NLRP2: variants seen among roughly 807,000 people sequenced by gnomAD.
NLRP2 encodes the protein NLR family pyrin domain containing 2, also known as NACHT, LRR and PYD domains-containing protein 2.
A neutral mutation model predicts 97.2 loss-of-function variants in NLRP2; 107 were observed. The observed-to-expected ratio is 1.10, with a 90% CI of 0.94 to 1.29. The LOEUF (loss-of-function observed/expected upper bound fraction) is 1.29, where lower values mean the gene tolerates loss of function less well. NLRP2 is among the 50% of genes most tolerant of loss of function. NLRP2 has a pLI of 0.00. For missense variants in NLRP2, 1,495 were observed against 1,330.3 expected, an observed-to-expected ratio of 1.12 and a Z score of -1.93; for synonymous variants, 663 against 551.5, an observed-to-expected ratio of 1.20 and a Z score of -2.83.
rs749931307 is a variant in NLRP2, at chr19:54,983,319, G to A, written c.1621G>A (p.Gly541Arg). The change falls in exon 6 of 13, where the codon GGA (glycine) becomes AGA (arginine). Residue 541 changes from glycine (G) to arginine (R), a missense_variant. Transcript: ENST00000448584. ...TGGGGACGTACAGAAGCTGCTTTCC[G>A]GAGTAGAAAGACTCAGGAACCCCGA... ...DIGDVQKLLS[G>R]VERLRNPDLI... 29 of 1,614,068 alleles carry A rather than the reference G, an allele frequency of 1.8e-5. No individual in the cohort carries two copies. Among genetic ancestry groups the A allele is most frequent in the South Asian group, 4.4e-5 (4 of 91,092 alleles).
At chr19:54,996,037 C>CAAAAAA (rs544759995) in intron 11 of NLRP2, among the ~76,000 whole-genome samples, 29 of 73,356 alleles carry the variant, frequency 4.0e-4, no homozygotes, top group African/African-American at 1.3e-3. Flanking sequence ...GATCCTGTCT[C>CAAAAAA]AAAAAAAAAA....
At position 54,995,290 on chromosome 19, in the gene NLRP2, A is replaced by C. The variant is rs2072747708; in HGVS notation, c.2879+851A>C. The stretch of plus-strand genomic sequence containing the variant: ...ACTGCAACCTCCACCTCCTGGGTTC[A>C]AGTGATTCTCCTGCCTTAGCCTCCC... On this transcript the variant is annotated intron_variant, in intron 11 of 12. Transcript: ENST00000448584. Among the ~76,000 whole-genome samples the C allele has an allele frequency of 2.1e-5, 3 of 145,232 alleles. No individual in the cohort carries two copies. In the South Asian group the frequency reaches 6.9e-4, roughly 34 times the overall value.
At chr19:54,969,064 C>G (rs188916444) in intron 1 of NLRP2, among the ~76,000 whole-genome samples, 4 of 152,142 alleles carry the variant, frequency 2.6e-5, no homozygotes, top group Non-Finnish European at 5.9e-5. Context: ...GGGTGATCCA[C>G]GTAGCTCCCC....
At chr19:54,995,619 C>G (rs1051597435) in intron 11 of NLRP2, among the ~76,000 whole-genome samples, 2 of 151,906 alleles carry the variant, frequency 1.3e-5, no homozygotes, top group Non-Finnish European at 2.9e-5. Context: ...AATTAGATAT[C>G]GTGCCAGAAA....
chr19:54,991,756 C>CT (rs762495054), intron 10 of NLRP2, among the ~76,000 whole-genome samples: 5 of 149,522 alleles, frequency 3.3e-5, no homozygotes, highest in Non-Finnish European at 7.4e-5. Context: ...GTAATCCCAG[C>CT]TACTTGGGAG....
chr19:54,998,025 C>CTTTT (rs757893808), intron 12 of NLRP2, among the ~76,000 whole-genome samples: 1,654 of 127,222 alleles, frequency 0.013, 48 homozygotes, highest in African/African-American at 0.033. Flanking sequence ...TTTTTTCTTT[C>CTTTT]TTTTTTTTTT....
chr19:54,968,324 G>A (rs915330160), intron 1 of NLRP2, among the ~76,000 whole-genome samples: 6 of 151,910 alleles, frequency 3.9e-5, no homozygotes, highest in East Asian at 1.9e-4. Flanking sequence ...GGGATTGCAA[G>A]CGTCAGCCAC....
intron 8 of NLRP2, among the ~76,000 whole-genome samples, chr19:54,987,454 T>C (rs888760836): frequency 1.3e-5 from 2 of 152,126 alleles, no homozygotes; most frequent in Admixed American, 6.6e-5. Flanking sequence ...TAGGTGGTCA[T>C]TGGCCTCAAA....
chr19:54,984,329 G>GTGTTTTTTTTTTTTTT, intron 6 of NLRP2, among the ~76,000 whole-genome samples: 21 of 79,670 alleles, frequency 2.6e-4, no homozygotes, highest in African/African-American at 9.7e-4. Context: ...TTTTTTTTGT[G>GTGTTTTTTTTTTTTTT]TTTTTTTTTT....
At chr19:54,967,883 A>G (rs2070568689) in intron 1 of NLRP2, among the ~76,000 whole-genome samples, 1 of 149,744 alleles carries the variant, frequency 6.7e-6, no homozygotes. Context: ...AAGAGGTGTT[A>G]TACCCTTTCT....
At chr19:54,987,913 C>T (rs1465828086) in intron 8 of NLRP2, among the ~76,000 whole-genome samples, 7 of 151,822 alleles carry the variant, frequency 4.6e-5, no homozygotes, top group East Asian at 1.9e-4. Context: ...CATGGTGGCG[C>T]GTGCCTGTAA....
intron 12 of NLRP2, among the ~76,000 whole-genome samples, chr19:55,000,270 C>CTTTTTTTTTTTTTTTTTTTTTT (rs1157138794): frequency 5.6e-5 from 2 of 36,000 alleles, no homozygotes; most frequent in African/African-American, 2.2e-4. Context: ...GAGAGACTGT[C>CTTTTTTTTTTTTTTTTTTTTTT]TTTTTTTTTT....
At chr19:54,975,829 C>T (rs1030994908) in intron 3 of NLRP2, among the ~76,000 whole-genome samples, 23 of 152,090 alleles carry the variant, frequency 1.5e-4, no homozygotes, top group Non-Finnish European at 3.1e-4. Flanking sequence ...TAGCTCATTG[C>T]AGCCTCAACC....
rs1329961462 is a variant in NLRP2 at position 54,984,329 on chromosome 19, G to GGTTTTTTTTTTTTT, written c.2030+601_2030+602insGTTTTTTTTTTTTT. ...AACTTAAGTGGGGGTTTTTTTTTGT[G>GGTTTTTTTTTTTTT]TTTTTTTTTTTTTTTTTTTTTTTGG... On this transcript the variant is annotated intron_variant, in intron 6 of 12. Transcript: ENST00000448584. Among the ~76,000 whole-genome samples the GGTTTTTTTTTTTTT allele has an allele frequency of 1.1e-4, 9 of 79,668 alleles. 1 individual carries two copies. The highest frequency in any genetic ancestry group is 1.5e-4 in the Non-Finnish European group (6 of 39,966). 52.3% of individuals were successfully genotyped at this position (79,668 alleles called of 152,430 possible). A position where few individuals can be genotyped will look rare whatever the true frequency, so the allele number is the denominator to read the frequency against.
In NLRP2 at chr19:54,983,189, CT is replaced by C. The variant is rs1387175894; in HGVS notation, c.1492del (p.Cys498AlafsTer45). The C allele has an allele frequency of 1.2e-6, 2 of 1,613,982 alleles. No homozygotes were observed. Among genetic ancestry groups the C allele is most frequent in the Non-Finnish European group, 1.7e-6 (2 of 1,180,012 alleles). On this transcript the variant is annotated frameshift_variant, in exon 6 of 13. Transcript: ENST00000448584. LOFTEE classifies it high-confidence loss of function. ...TCCGCCAGGACAGAGTCTCCAAAGGCTGCTACTCCTTCATCCACCTCAGCTT... is the reference window on the plus strand; with the variant it reads ...TCCGCCAGGACAGAGTCTCCAAAGGCGCTACTCCTTCATCCACCTCAGCTT... Reference protein sequence around the residue: ...ILRQDRVSKGCYSFIHLSFQQ... With the variant: ...ILRQDRVSKGXYSFIHLSFQQ...
In NLRP2 at chr19:54,982,290, C is replaced by T; in HGVS notation, c.592C>T (p.Pro198Ser). 2 of 1,614,076 alleles carry T rather than the reference C, an allele frequency of 1.2e-6. No individual in the cohort carries two copies. The highest frequency in any genetic ancestry group is 1.3e-5 in the African/African-American group (1 of 75,018). Residue 198 changes from proline to serine, a missense_variant, in exon 6 of 13, where the codon CCC (proline) becomes TCC (serine). Transcript: ENST00000448584. ...RYKMLIPFSN[P>S]RVLPGPFSYT... is the part of the protein sequence containing the mutation. ...CAAGATGCTGATCCCATTCAGCAAC[C>T]CCAGGGTGCTTCCCGGGCCCTTCTC... is the stretch of plus-strand genomic sequence containing the variant.
At chr19:54,992,607 C>G (rs2072563070) in intron 10 of NLRP2, among the ~76,000 whole-genome samples, 1 of 142,326 alleles carries the variant, frequency 7.0e-6, no homozygotes, top group Non-Finnish European at 1.5e-5. Flanking sequence ...CTCTGTCGCC[C>G]AGGCTGGAAT....
intron 8 of NLRP2, among the ~76,000 whole-genome samples, chr19:54,988,496 C>A (rs538032925): frequency 6.6e-6 from 1 of 152,084 alleles, no homozygotes; most frequent in South Asian, 2.1e-4. Flanking sequence ...CAGGGTTACG[C>A]CATGCTGGTG....
At chr19:54,970,770 C>CTTTTTTTTTTTTTTTTTTTTCTTTTTTT (rs34406686) in intron 2 of NLRP2, among the ~76,000 whole-genome samples, 2 of 108,462 alleles carry the variant, frequency 1.8e-5, no homozygotes, top group Admixed American at 9.7e-5. Flanking sequence ...CTACCTACTT[C>CTTTTTTTTTTTTTTTTTTTTCTTTTTTT]TTTTTTTTTT....
Sources: allele counts gnomAD v4.1 joint callset (sites outside exome capture counted in the v4.1 genomes callset), GRCh38; gene constraint gnomAD v4.1.1; transcripts MANE v1.5; gene names NCBI Gene and HGNC (gene_info 2026-07-23, HGNC 2026-07-21).